Variants in LATS1 observed in about 807,000 individuals in gnomAD.
The protein encoded by LATS1 is large tumor suppressor kinase 1.
Under a neutral mutation model 106.6 loss-of-function variants are expected in LATS1, and 25 were observed. The observed-to-expected ratio is 0.23, with a 90% CI of 0.17 to 0.33. The LOEUF (loss-of-function observed/expected upper bound fraction) is 0.33. LATS1 is among the 10% of genes least tolerant of loss of function. The probability of loss-of-function intolerance (pLI) is 1.00; values close to 1 mark genes in which losing one functional copy is unlikely to be tolerated. For synonymous variants in LATS1, 465 were observed against 455.6 expected (o/e 1.02, Z -0.26); for missense variants, 1,040 against 1,382.6 (o/e 0.75, Z 3.93).
intron 7 of LATS1, among the ~76,000 whole-genome samples, chr6:149,666,801 G>A (rs368256794): frequency 3.0e-4 from 45 of 152,024 alleles, no homozygotes; most frequent in African/African-American, 8.9e-4. Flanking sequence ...AATTAGCCGG[G>A]CGTGGTGGTG....
intron 1 of LATS1, among the ~76,000 whole-genome samples, chr6:149,707,351 G>A (rs1009291472): frequency 4.6e-5 from 7 of 152,096 alleles, no homozygotes; most frequent in Admixed American, 1.3e-4. Context: ...GGGGAATTAT[G>A]AGAAGACAAT....
chr6:149,715,084 T>G (rs1185929827), intron 1 of LATS1, among the ~76,000 whole-genome samples: 1 of 152,162 alleles, frequency 6.6e-6, no homozygotes, highest in Non-Finnish European at 1.5e-5. Context: ...TTTCTTTATT[T>G]ATTTTTGAGA....
rs1478508755 is a variant in LATS1, at chr6:149,684,396, T to C, written c.693A>G (p.Gly231=). ...SAFVQAHPSN[G]QRVNPPPPPQ... is the part of the protein sequence containing the mutation. ...GTGGTGGTGGGGGGTTCACTCTCTG[T>C]CCGTTGCTAGGGTGAGCTTGAACAA... is the stretch of plus-strand genomic sequence containing the variant. The change falls in exon 4 of 8, where the codon GGA becomes GGG. Residue 231 remains glycine, a synonymous_variant. Transcript: ENST00000543571. 1 of 1,614,098 alleles carries C rather than the reference T, an allele frequency of 6.2e-7. No individual in the cohort carries two copies. Among genetic ancestry groups the C allele is most frequent in the Non-Finnish European group, 8.5e-7 (1 of 1,180,016 alleles).
intron 5 of LATS1, among the ~76,000 whole-genome samples, chr6:149,678,162 T>TA (rs879416512): frequency 0.49 from 14,091 of 28,556 alleles, 5,335 homozygotes; most frequent in Admixed American, 0.64. Flanking sequence ...CTACTAAAAA[T>TA]CCAAAAAAAA....
At chr6:149,695,027 T>C (rs373988753) in intron 3 of LATS1, 47 bp downstream of exon 3, 2 of 1,459,404 alleles carry the variant, frequency 1.4e-6, no homozygotes, top group African/African-American at 1.4e-5. Context: ...ATTTTTAAAC[T>C]ACACAGTAAA....
At chr6:149,698,930 A>G (rs536870530) in intron 2 of LATS1, among the ~76,000 whole-genome samples, 2 of 152,238 alleles carry the variant, frequency 1.3e-5, no homozygotes, top group East Asian at 3.9e-4. Flanking sequence ...ATAAGCAAAA[A>G]TATACCCCAG....
intron 4 of LATS1, among the ~76,000 whole-genome samples, chr6:149,681,289 T>C (rs1483233596): frequency 6.6e-6 from 1 of 152,116 alleles, no homozygotes; most frequent in African/African-American, 2.4e-5. Context: ...AATTAAAGGG[T>C]TTAAATAGAA....
intron 7 of LATS1, among the ~76,000 whole-genome samples, chr6:149,669,601 T>C (rs143676713): frequency 1.3e-5 from 2 of 150,788 alleles, no homozygotes; most frequent in East Asian, 4.0e-4. Flanking sequence ...GATTACAAAA[T>C]AATAATAAAA....
At chr6:149,717,405 G>A (rs1368288707) in intron 1 of LATS1, among the ~76,000 whole-genome samples, 1 of 152,200 alleles carries the variant, frequency 6.6e-6, no homozygotes, top group Non-Finnish European at 1.5e-5. Flanking sequence ...CTAGACGTAA[G>A]AGACTCCCAG....
chr6:149,708,330 G>T (rs1398470416), intron 1 of LATS1, among the ~76,000 whole-genome samples: 2 of 150,634 alleles, frequency 1.3e-5, no homozygotes, highest in Non-Finnish European at 2.9e-5. Context: ...CAGGAGAATC[G>T]CTTGAACCAC....
chr6:149,702,219 G>C lies in LATS1; in HGVS notation c.-93C>G. 3 of 748,804 alleles carry C rather than the reference G, an allele frequency of 4.0e-6. No homozygotes were observed. The South Asian group carries it at 5.4e-5, about 13-fold the overall frequency. 46.4% of individuals were successfully genotyped at this position (748,804 alleles called of 1,614,324 possible). On this transcript the variant is annotated 5_prime_UTR_variant, in exon 2 of 8. Transcript: ENST00000543571. ...AGCAAAAGTGAAAATGATCCTTCAA[G>C]GAAGTCCCCAGGACTGTTAAAATTC... is the stretch of plus-strand genomic sequence containing the variant.
At chr6:149,678,257 T>C (rs1781841770) in intron 5 of LATS1, among the ~76,000 whole-genome samples, 1 of 143,236 alleles carries the variant, frequency 7.0e-6, no homozygotes, top group Admixed American at 7.3e-5. Flanking sequence ...GGCAAGAGAA[T>C]GGCGTGAACC....
At chr6:149,694,969 T>C in intron 3 of LATS1, 105 bp downstream of exon 3, 1 of 947,208 alleles carries the variant, frequency 1.1e-6, no homozygotes, top group Non-Finnish European at 1.5e-6. Context: ...TTTCATTTAC[T>C]GGGATGCTTT....
At chr6:149,691,598 T>C (rs564911284) in intron 3 of LATS1, among the ~76,000 whole-genome samples, 24 of 152,296 alleles carry the variant, frequency 1.6e-4, no homozygotes, top group African/African-American at 5.1e-4. Flanking sequence ...GAAAACCTTA[T>C]TGGTTTTCTT....
intron 1 of LATS1, among the ~76,000 whole-genome samples, chr6:149,707,446 G>T (rs1783848335): frequency 6.6e-6 from 1 of 152,192 alleles, no homozygotes. Flanking sequence ...TTCAAGACAA[G>T]AAGAGAATGT....
In LATS1 at chr6:149,658,322, C is replaced by A. The variant is rs1465201287; in HGVS notation, c.*3407G>T. The stretch of plus-strand genomic sequence containing the variant: ...TGCAAAGCTGTAATTCTTTTTCTAA[C>A]AAAGCATGATTTTATAAAACTTTAA... On this transcript the variant is annotated 3_prime_UTR_variant, in exon 8 of 8. Coordinates refer to ENST00000543571, the MANE Select transcript of LATS1 (RefSeq NM_004690.4). 6.6e-6 allele frequency: 1 copy of A among 152,118 alleles called. No individual in the cohort carries two copies. Among genetic ancestry groups the A allele is most frequent in the Non-Finnish European group, 1.5e-5 (1 of 68,012 alleles). The allele number at this position is 152,118 out of a possible 1,614,324, so 9.4% of individuals were successfully genotyped here.
intron 7 of LATS1, among the ~76,000 whole-genome samples, chr6:149,669,150 G>A (rs1444465066): frequency 6.7e-6 from 1 of 148,666 alleles, no homozygotes; most frequent in Non-Finnish European, 1.5e-5. Flanking sequence ...TTGATTGATT[G>A]ATTGAGACGG....
At chr6:149,666,057 G>A (rs111927601) in intron 7 of LATS1, among the ~76,000 whole-genome samples, 12 of 140,406 alleles carry the variant, frequency 8.5e-5, no homozygotes, top group Non-Finnish European at 1.3e-4. Flanking sequence ...CAGGACAGTC[G>A]CTTGAACCTG....
chr6:149,708,828 CA>C (rs1783935294), intron 1 of LATS1, among the ~76,000 whole-genome samples: 1 of 152,100 alleles, frequency 6.6e-6, no homozygotes, highest in Admixed American at 6.6e-5. Flanking sequence ...TTTGTTACCA[CA>C]AAACAGCCTA....
Sources: allele counts gnomAD v4.1 joint callset (sites outside exome capture counted in the v4.1 genomes callset), GRCh38; gene constraint gnomAD v4.1.1; transcripts MANE v1.5; gene names NCBI Gene and HGNC (gene_info 2026-07-23, HGNC 2026-07-21).